The following MTRR variants were observed in gnomAD, a reference collection of about 807,000 sequenced individuals.
The protein encoded by MTRR is 5-methyltetrahydrofolate-homocysteine methyltransferase reductase.
Under a neutral mutation model 79.2 loss-of-function variants are expected in MTRR, and 63 were observed. The observed-to-expected ratio is 0.80, with a 90% confidence interval of 0.65 to 0.98. The LOEUF is 0.98. MTRR is among the 50% of genes least tolerant of loss of function. The probability of loss-of-function intolerance (pLI) is 0.00; values close to 1 mark genes in which losing one functional copy is unlikely to be tolerated. For synonymous variants in MTRR, 355 were observed against 313.3 expected, an observed-to-expected ratio of 1.13 and a Z score of -1.41; for missense variants, 895 against 839.6, an observed-to-expected ratio of 1.07 and a Z score of -0.82.
At chr5:7,868,205 A>T, upstream of MTRR, 46 of 252,826 alleles carry the variant, frequency 1.8e-4, no homozygotes, top group African/African-American at 3.7e-4. Context: ...ATCTGGAAAA[A>T]AAAAAAAAAA....
chr5:7,860,089 T>C (rs1286613211), intron 1 of MTRR, among the ~76,000 whole-genome samples: 1 of 152,128 alleles, frequency 6.6e-6, no homozygotes, highest in Non-Finnish European at 1.5e-5. Context: ...AGGCCAACCA[T>C]TGGAGGGTCT....
At chr5:7,886,904 A>C (rs1736571225) in intron 8 of MTRR, among the ~76,000 whole-genome samples, 1 of 152,138 alleles carries the variant, frequency 6.6e-6, no homozygotes, top group African/African-American at 2.4e-5. Flanking sequence ...ATTTGCATTT[A>C]AATTTTTGTT....
intron 5 of MTRR, among the ~76,000 whole-genome samples, chr5:7,879,333 G>C (rs1735141174): frequency 6.6e-6 from 1 of 152,036 alleles, no homozygotes; most frequent in Non-Finnish European, 1.5e-5. Flanking sequence ...TCATTAATCT[G>C]ACTAGGAGTT....
intron 1 of MTRR, among the ~76,000 whole-genome samples, chr5:7,855,807 C>T (rs1175649916): frequency 4.6e-5 from 7 of 152,148 alleles, no homozygotes; most frequent in Admixed American, 1.3e-4. Context: ...CACTCTGTAT[C>T]GGAGACTGTG....
At chr5:7,883,134 T>G in intron 5 of MTRR, 21 bp from the exon 6 acceptor site, 1 of 1,614,154 alleles carries the variant, frequency 6.2e-7, no homozygotes, top group East Asian at 2.2e-5. Context: ...CACTTACGTT[T>G]TGTCACATTT....
intron 14 of MTRR, 115 bp from the exon 15 acceptor site, chr5:7,899,799 A>G: frequency 7.4e-7 from 1 of 1,351,812 alleles, no homozygotes; most frequent in Non-Finnish European, 1.1e-6. Flanking sequence ...ATGTTCTGAG[A>G]AGACGGAGGG....
chr5:7,861,472 T>G, intron 1 of MTRR: 2 of 790,206 alleles, frequency 2.5e-6, no homozygotes, highest in South Asian at 3.1e-5. Flanking sequence ...AAATGTAGTA[T>G]TTTAATTTCC....
chr5:7,895,860 C>A lies in MTRR; in HGVS notation c.1676+8C>A. On this transcript the variant is annotated splice_region_variant and intron_variant, in intron 12 of 14. Transcript: ENST00000440940. ...TGGGTTCCTACAACATAGGTATGTT[C>A]TTTTTTTGGCTAATGGGAAAATGTA... is the stretch of plus-strand genomic sequence containing the variant. 1 of 1,613,798 alleles carries A rather than the reference C, an allele frequency of 6.2e-7. No homozygotes were observed. Among genetic ancestry groups the A allele is most frequent in the Non-Finnish European group, 8.5e-7 (1 of 1,179,848 alleles).
At chr5:7,857,499 A>G (rs891394782) in intron 1 of MTRR, among the ~76,000 whole-genome samples, 1 of 152,204 alleles carries the variant, frequency 6.6e-6, no homozygotes, top group African/African-American at 2.4e-5. Flanking sequence ...CCAACCCTGT[A>G]TGCTTTACAC....
chr5:7,865,771 G>C (rs1280671974), upstream of MTRR: 5 of 668,064 alleles, frequency 7.5e-6, no homozygotes, highest in Admixed American at 2.3e-5. Context: ...AGCCTATCTG[G>C]TGGCAACTGA....
At position 7,872,315 on chromosome 5, in the gene MTRR, G is replaced by C. The variant is rs1362233395; in HGVS notation, c.130-1058G>C. On this transcript the variant is annotated intron_variant, in intron 2 of 14. Transcript: ENST00000440940. ...TTGTGGAGTCTTACAAGTAAGACAA[G>C]GAAGTGTTCTATTTGAAATACTTAA... 1.5e-5 allele frequency: 6 copies of C among 410,134 alleles called. No homozygotes were observed. In the East Asian group the frequency reaches 4.3e-4, roughly 29 times the overall value. The allele number at this position is 410,134 out of a possible 1,614,324, so 25.4% of individuals were successfully genotyped here. A position where few individuals can be genotyped will look rare whatever the true frequency, so the allele number is the denominator to read the frequency against.
At chr5:7,867,184 G>A (rs1411157007), upstream of MTRR, 3 of 1,614,064 alleles carry the variant, frequency 1.9e-6, no homozygotes, top group African/African-American at 1.3e-5. Flanking sequence ...CCAGGGCAGT[G>A]AGCATTTGGC....
At position 7,862,797 on chromosome 5, in the gene MTRR, A is replaced by G. The variant is rs753097102; in HGVS notation, n.498+740A>G. On this transcript the variant is annotated intron_variant and non_coding_transcript_variant, in intron 2 of 3. Transcript: ENST00000502509. The stretch of plus-strand genomic sequence containing the variant: ...ATCGAACAGGATGCTTAGGTTTAAA[A>G]CAACAAAACTCCTTATACTACTTAC... 5 of 1,585,234 alleles carry G rather than the reference A, an allele frequency of 3.2e-6. No individual in the cohort carries two copies. In the East Asian group the frequency reaches 1.1e-4, roughly 36 times the overall value.
chr5:7,863,803 C>A (rs938766542), intron 2 of MTRR, among the ~76,000 whole-genome samples: 1 of 152,104 alleles, frequency 6.6e-6, no homozygotes, highest in East Asian at 1.9e-4. Context: ...AGAATGATTG[C>A]GTGCTTGAAA....
intron 10 of MTRR, 136 bp from the exon 11 acceptor site, chr5:7,892,591 C>T: frequency 1.1e-6 from 1 of 944,996 alleles, no homozygotes; most frequent in Non-Finnish European, 1.7e-6. Context: ...GTAATAATGG[C>T]TTTCCTCTGT....
intron 2 of MTRR, 128 bp downstream of exon 2, chr5:7,871,051 G>A: frequency 1.8e-6 from 2 of 1,108,558 alleles, no homozygotes; most frequent in South Asian, 1.3e-5. Flanking sequence ...AAATGTGTTT[G>A]TTCAATGGTA....
At chr5:7,867,870 C>T (rs978202380), upstream of MTRR, 1 of 1,614,162 alleles carries the variant, frequency 6.2e-7, no homozygotes, top group Non-Finnish European at 8.5e-7. Flanking sequence ...GGATGAAGGT[C>T]ATTTCCATTT....
At chr5:7,869,003 G>C, upstream of MTRR, 2 of 1,044,052 alleles carry the variant, frequency 1.9e-6, no homozygotes, top group Non-Finnish European at 1.5e-6. Context: ...CAATCACTCC[G>C]GGTGGTCGCG....
chr5:7,861,720 T>G (rs1442684651), intron 1 of MTRR: 1 of 1,553,646 alleles, frequency 6.4e-7, no homozygotes, highest in Non-Finnish European at 8.7e-7. Context: ...CTGTATTCAT[T>G]CCTTTGCTTT....
Sources: allele counts gnomAD v4.1 joint callset (sites outside exome capture counted in the v4.1 genomes callset), GRCh38; gene constraint gnomAD v4.1.1; transcripts MANE v1.5; gene names NCBI Gene and HGNC (gene_info 2026-07-23, HGNC 2026-07-21).